FGGY: variants seen among roughly 807,000 people sequenced by gnomAD.
FGGY encodes FGGY carbohydrate kinase domain-containing protein.
A neutral mutation model predicts 71.3 loss-of-function variants in FGGY; 72 were observed. The observed-to-expected ratio is 1.01, with a 90% CI of 0.84 to 1.23. FGGY has a LOEUF of 1.23. FGGY is among the 50% of genes most tolerant of loss of function. The pLI, the probability that FGGY is intolerant of heterozygous loss-of-function variation, is 0.00. For missense variants in FGGY, 668 were observed against 682.3 expected (o/e 0.98, Z 0.23); for synonymous variants, 251 against 250.3 (o/e 1.00, Z -0.02).
At chr1:59,751,267 TTAAAA>T (rs10568401) in intron 14 of FGGY, among the ~76,000 whole-genome samples, 52,744 of 151,792 alleles carry the variant, frequency 0.35, 10,619 homozygotes, top group South Asian at 0.48. Flanking sequence ...GATCATGTAC[TTAAAA>T]TAATCAGCAC....
At chr1:59,660,153 G>A in intron 11 of FGGY, 66 bp from the exon 12 acceptor site, 3 of 1,391,104 alleles carry the variant, frequency 2.2e-6, no homozygotes, top group Non-Finnish European at 3.1e-6. Context: ...TATTTCATGG[G>A]AACTATCTTT....
At chr1:59,470,510 T>C (rs548611190) in intron 6 of FGGY, among the ~76,000 whole-genome samples, 15 of 152,340 alleles carry the variant, frequency 9.8e-5, no homozygotes, top group African/African-American at 3.6e-4. Context: ...TATACAATCT[T>C]TTCAGTCTCA....
At chr1:59,690,386 C>G (rs1265565462) in intron 14 of FGGY, among the ~76,000 whole-genome samples, 2 of 152,186 alleles carry the variant, frequency 1.3e-5, no homozygotes, top group East Asian at 3.9e-4. Context: ...CACGCGCTTT[C>G]CCAAGCTTAC....
At chr1:59,483,349 A>G (rs2093557930) in intron 6 of FGGY, among the ~76,000 whole-genome samples, 1 of 152,186 alleles carries the variant, frequency 6.6e-6, no homozygotes, top group African/African-American at 2.4e-5. Context: ...TGTGCTACAT[A>G]CTGGAGATAG....
chr1:59,699,874 A>G (rs1312109428), intron 14 of FGGY, among the ~76,000 whole-genome samples: 2 of 152,172 alleles, frequency 1.3e-5, no homozygotes, highest in Admixed American at 1.3e-4. Context: ...CGCTTCTCAC[A>G]TCTCTAATTC....
chr1:59,691,505 C>A (rs2154002603), intron 14 of FGGY, among the ~76,000 whole-genome samples: 1 of 152,270 alleles, frequency 6.6e-6, no homozygotes, highest in East Asian at 1.9e-4. Flanking sequence ...TCCAGCCACT[C>A]TTGGAGATTG....
At chr1:59,446,850 C>T (rs1572249016) in intron 5 of FGGY, among the ~76,000 whole-genome samples, 1 of 152,178 alleles carries the variant, frequency 6.6e-6, no homozygotes, top group South Asian at 2.1e-4. Flanking sequence ...CTGGCAATGT[C>T]AGTACAGTGA....
intron 11 of FGGY, among the ~76,000 whole-genome samples, chr1:59,654,530 A>C (rs889776817): frequency 6.6e-6 from 1 of 152,166 alleles, no homozygotes; most frequent in African/African-American, 2.4e-5. Flanking sequence ...TTGGGAAACT[A>C]TTTTTAAGCC....
At chr1:59,659,442 T>A (rs1317523493) in intron 11 of FGGY, among the ~76,000 whole-genome samples, 1 of 152,172 alleles carries the variant, frequency 6.6e-6, no homozygotes, top group East Asian at 1.9e-4. Flanking sequence ...TAAATGAATG[T>A]TGGTGAATTA....
chr1:59,740,729 G>A (rs2098140376), intron 14 of FGGY, among the ~76,000 whole-genome samples: 1 of 152,138 alleles, frequency 6.6e-6, no homozygotes, highest in Admixed American at 6.5e-5. Flanking sequence ...GCCTCTAACA[G>A]CCCACTTAAT....
chr1:59,627,204 T>C (rs992851354), intron 10 of FGGY, among the ~76,000 whole-genome samples: 2 of 151,550 alleles, frequency 1.3e-5, no homozygotes, highest in African/African-American at 4.8e-5. Context: ...CTAAGTAAAT[T>C]TGGGAAAGAA....
At position 59,403,666 on chromosome 1, in the gene FGGY, G is replaced by A. The variant is rs529141824; in HGVS notation, c.554+24829G>A. 7.2e-5 allele frequency among the ~76,000 whole-genome samples: 11 copies of A among 152,334 alleles called. No individual in the cohort carries two copies. The South Asian group carries it at 2.3e-3, about 32-fold the overall frequency. ...AAAGACCTTGGTGCATCCACAAAGC[G>A]TTGGGCACGTGAGTCTAGCCAGATC... is the stretch of plus-strand genomic sequence containing the variant. On this transcript the variant is annotated intron_variant, in intron 5 of 15. Coordinates refer to ENST00000303721, the MANE Select transcript of FGGY (RefSeq NM_018291.5).
chr1:59,365,728 C>T (rs149459551), intron 4 of FGGY, among the ~76,000 whole-genome samples: 60 of 152,244 alleles, frequency 3.9e-4, no homozygotes, highest in Non-Finnish European at 7.9e-4. Context: ...CTTGCCTTGC[C>T]TGCCTTGAAG....
At chr1:59,532,137 A>G (rs975905441) in intron 7 of FGGY, among the ~76,000 whole-genome samples, 1 of 152,212 alleles carries the variant, frequency 6.6e-6, no homozygotes, top group Non-Finnish European at 1.5e-5. Context: ...GAGAAGATGG[A>G]GAATTCAGCA....
chr1:59,614,135 C>T (rs2096722655), intron 9 of FGGY, among the ~76,000 whole-genome samples: 1 of 152,130 alleles, frequency 6.6e-6, no homozygotes, highest in South Asian at 2.1e-4. Flanking sequence ...GGAATCCTCC[C>T]TAACTCATTT....
At chr1:59,546,671 C>G (rs554254736) in intron 7 of FGGY, among the ~76,000 whole-genome samples, 2 of 151,586 alleles carry the variant, frequency 1.3e-5, no homozygotes, top group African/African-American at 2.4e-5. Flanking sequence ...CTCAGCCTCC[C>G]AAGTAGCTGG....
chr1:59,671,303 A>T (rs1313094729), intron 13 of FGGY, among the ~76,000 whole-genome samples: 1 of 152,268 alleles, frequency 6.6e-6, no homozygotes, highest in African/African-American at 2.4e-5. Flanking sequence ...GTCAGTGTAC[A>T]GAGCTGTGGG....
At chr1:59,303,013 G>T (rs573796771) in intron 1 of FGGY, among the ~76,000 whole-genome samples, 1 of 152,238 alleles carries the variant, frequency 6.6e-6, no homozygotes, top group African/African-American at 2.4e-5. Context: ...AGGTATGACT[G>T]ATGAGTAAAA....
intron 2 of FGGY, 103 bp from the exon 3 acceptor site, chr1:59,339,855 A>C: frequency 1.5e-6 from 1 of 663,082 alleles, no homozygotes; most frequent in Non-Finnish European, 2.6e-6. Flanking sequence ...TATGTTGTAA[A>C]GATTTTTTTC....
Sources: allele counts gnomAD v4.1 joint callset (sites outside exome capture counted in the v4.1 genomes callset), GRCh38; gene constraint gnomAD v4.1.1; transcripts MANE v1.5; gene names NCBI Gene and HGNC (gene_info 2026-07-23, HGNC 2026-07-21).